ZNF250: variants seen among roughly 807,000 people sequenced by gnomAD.
ZNF250 encodes zinc finger protein (clone 647).
ZNF250 carries 13 observed loss-of-function variants against 37.1 expected under a neutral mutation model. The ratio of observed to expected loss-of-function variants is 0.35; its 90% CI spans 0.23 to 0.56. The LOEUF (loss-of-function observed/expected upper bound fraction) is 0.56, where lower values mean the gene tolerates loss of function less well. ZNF250 is among the 20% of genes least tolerant of loss of function. The probability of loss-of-function intolerance (pLI) is 0.87; values close to 1 mark genes in which losing one functional copy is unlikely to be tolerated. For missense variants in ZNF250, 474 were observed against 697.9 expected (o/e 0.68, Z 3.61); for synonymous variants, 251 against 265.6 (o/e 0.94, Z 0.54).
At position 144,881,318 on chromosome 8, in the gene ZNF250, G is replaced by A. The variant is rs1831449608; in HGVS notation, c.*197C>T. 1 of 684,976 alleles carries A rather than the reference G, an allele frequency of 1.5e-6. No homozygotes were observed. The allele number at this position is 684,976 out of a possible 1,614,324, so 42.4% of individuals were successfully genotyped here. On this transcript the variant is annotated 3_prime_UTR_variant, in exon 6 of 6. Transcript: ENST00000417550. Reference sequence around the variant, plus strand: ...CTCCAACATAACTTCAAGATGTTGAGGAAAATAAAACAGGTAGTCTCTGAA... The same window carrying A: ...CTCCAACATAACTTCAAGATGTTGAAGAAAATAAAACAGGTAGTCTCTGAA...
At position 144,886,880 on chromosome 8, in the gene ZNF250, A is replaced by G. The variant is rs750348611; in HGVS notation, c.306T>C (p.Thr102=). 3.7e-6 allele frequency: 6 copies of G among 1,613,568 alleles called. No homozygotes were observed. The East Asian group carries it at 1.3e-4, about 36-fold the overall frequency. The change falls in exon 5 of 6, where the codon ACT becomes ACC. Residue 102 remains threonine, a synonymous_variant. Transcript: ENST00000417550. ...AACTGTCTTGTTGTGTACAGGCTGT[A>G]GTGTGGTCATATTTGAGGTTGTCTG... The part of the protein sequence containing the change: ...DYSDNLKYDH[T]TACTQQDSLS...
chr8:144,896,881 G>A (rs547100141), intron 1 of ZNF250, among the ~76,000 whole-genome samples: 1 of 152,300 alleles, frequency 6.6e-6, no homozygotes, highest in Non-Finnish European at 1.5e-5. Flanking sequence ...CACTGGCTGA[G>A]CAATGATCCC....
At chr8:144,886,409 C>G (rs1343164058) in intron 5 of ZNF250, among the ~76,000 whole-genome samples, 1 of 152,210 alleles carries the variant, frequency 6.6e-6, no homozygotes, top group Non-Finnish European at 1.5e-5. Flanking sequence ...CATCATATGA[C>G]TGCTTGTGAG....
chr8:144,901,088 T>C lies in ZNF250; in HGVS notation c.-55+311A>G, dbSNP rs1250341288. ...ATCCAAGGTGGGAGGGACGCCGGTC[T>C]GACGGGGCCCAAGGGGGTAGGGGCG... On this transcript the variant is annotated intron_variant, in intron 1 of 5. Coordinates refer to ENST00000417550, the MANE Select transcript of ZNF250 (RefSeq NM_001109689.4). This position sits in a 1 kb window ranked among gnomAD's most constrained non-coding sequence, Gnocchi z 5.4. Among the ~76,000 whole-genome samples, 1 of 147,408 alleles carries C rather than the reference T, an allele frequency of 6.8e-6. No individual in the cohort carries two copies. Among genetic ancestry groups the C allele is most frequent in the Non-Finnish European group, 1.5e-5 (1 of 66,972 alleles).
In ZNF250 at chr8:144,881,759, T is replaced by C; in HGVS notation, c.1424A>G (p.Gln475Arg). Residue 475 changes from glutamine to arginine, a missense_variant, in exon 6 of 6, where the codon CAG (glutamine) becomes CGG (arginine). Physicochemically the swap from Gln to Arg is conservative, Grantham distance 43 (BLOSUM62 1). Coordinates refer to ENST00000417550, the MANE Select transcript of ZNF250 (RefSeq NM_001109689.4). Reference sequence around the variant, plus strand: ...GAAGGCTTTGCCACATTCTGTGCACTGGAAGGGCTTTTCACCTGTGTGGAT... The same window carrying C: ...GAAGGCTTTGCCACATTCTGTGCACCGGAAGGGCTTTTCACCTGTGTGGAT... ...ERIHTGEKPF[Q>R]CTECGKAFSL... 6.2e-7 allele frequency: 1 copy of C among 1,614,096 alleles called. No individual in the cohort carries two copies. The highest frequency in any genetic ancestry group is 8.5e-7 in the Non-Finnish European group (1 of 1,179,980).
In ZNF250 at chr8:144,881,043, AT is replaced by A. The variant is rs2129667063; in HGVS notation, c.*471del. 1 of 162,578 alleles carries A rather than the reference AT, an allele frequency of 6.2e-6. No individual in the cohort carries two copies. Among genetic ancestry groups the A allele is most frequent in the South Asian group, 1.6e-4 (1 of 6,202 alleles). 10.1% of individuals were successfully genotyped at this position (162,578 alleles called of 1,614,324 possible). On this transcript the variant is annotated 3_prime_UTR_variant, in exon 6 of 6. Coordinates refer to ENST00000417550, the MANE Select transcript of ZNF250 (RefSeq NM_001109689.4). ...AATATCTTTTTATATCACTTTATCC[AT>A]ACAATACTTTAGTCTTTTAAGAGAA...
In ZNF250 at chr8:144,878,304, C is replaced by G. The variant is rs1253373248; in HGVS notation, c.*3211G>C. 1 of 152,228 alleles carries G rather than the reference C, an allele frequency of 6.6e-6. No homozygotes were observed. The highest frequency in any genetic ancestry group is 1.5e-5 in the Non-Finnish European group (1 of 68,048). The allele number at this position is 152,228 out of a possible 1,614,324, so 9.4% of individuals were successfully genotyped here. A position where few individuals can be genotyped will look rare whatever the true frequency, so the allele number is the denominator to read the frequency against. Reference sequence around the variant, plus strand: ...TTTCTAAAGCATCACCCCTAGTGATCTCAACCTTTCTCTGAAGAATCACCT... The same window carrying G: ...TTTCTAAAGCATCACCCCTAGTGATGTCAACCTTTCTCTGAAGAATCACCT... On this transcript the variant is annotated 3_prime_UTR_variant, in exon 6 of 6. Transcript: ENST00000417550.
rs999218833 is a variant in ZNF250 at position 144,880,364 on chromosome 8, C to T, written c.*1151G>A. 2.2e-6 allele frequency: 1 copy of T among 453,404 alleles called. No homozygotes were observed. Among genetic ancestry groups the T allele is most frequent in the African/African-American group, 2.0e-5 (1 of 50,014 alleles). 28.1% of individuals were successfully genotyped at this position (453,404 alleles called of 1,614,324 possible). A position where few individuals can be genotyped will look rare whatever the true frequency, so the allele number is the denominator to read the frequency against. ...ACCATAAGATGTAAAGAGGTACCCA[C>T]TTGGTGTAACAGCTATGAGGTCTGC... On this transcript the variant is annotated 3_prime_UTR_variant, in exon 6 of 6. Transcript: ENST00000417550.
In ZNF250 at chr8:144,882,036, C is replaced by G. The variant is rs765142365; in HGVS notation, c.1147G>C (p.Val383Leu). The change falls in exon 6 of 6, where the codon GTG (valine) becomes CTG (leucine). Residue 383 changes from valine (V) to leucine (L), a missense_variant. By Grantham distance (32) the Val-to-Leu change is conservative (BLOSUM62 1). Coordinates refer to ENST00000417550, the MANE Select transcript of ZNF250 (RefSeq NM_001109689.4). The surrounding 1 kb of genome is among the most constrained non-coding windows in gnomAD (Gnocchi z 5.5). ...TCATAGGGCTTCTCCCCGGTGTGCA[C>G]GTTGTGGTGCTGAATGAGGACTGAG... Reference protein sequence around the residue: ...DRSVLIQHHNVHTGEKPYECS... With the variant: ...DRSVLIQHHNLHTGEKPYECS... 4 of 1,610,930 alleles carry G rather than the reference C, an allele frequency of 2.5e-6. No individual in the cohort carries two copies.
Position 144,880,205 on chromosome 8 carries a change from GA to G in ZNF250, c.*1309del, listed in dbSNP as rs1179140533. On this transcript the variant is annotated 3_prime_UTR_variant, in exon 6 of 6. Transcript: ENST00000417550. ...ACTCTTGAACCAGGAGTAAAAAAAT[GA>G]AAAAAAAAACCCCTTCAAATATAGG... 1,357 of 216,216 alleles carry G rather than the reference GA, an allele frequency of 6.3e-3. 15 individuals are homozygous for G. Among genetic ancestry groups the G allele is most frequent in the African/African-American group, 0.028 (1,166 of 42,024 alleles). 13.4% of individuals were successfully genotyped at this position (216,216 alleles called of 1,614,324 possible).
Position 144,891,267 on chromosome 8 carries a change from T to G in ZNF250, c.-54-864A>C, listed in dbSNP as rs559082598. Among the ~76,000 whole-genome samples the G allele has an allele frequency of 6.6e-6, 1 of 152,236 alleles. No individual in the cohort carries two copies. The highest frequency in any genetic ancestry group is 2.4e-5 in the African/African-American group (1 of 41,542). ...CAACCAGGTGACCAAAGGTGGTAGATCACTCCAGAAAAACGTGGTATAACA... is the reference window on the plus strand; with the variant it reads ...CAACCAGGTGACCAAAGGTGGTAGAGCACTCCAGAAAAACGTGGTATAACA... On this transcript the variant is annotated intron_variant, in intron 1 of 5. Transcript: ENST00000417550. This position sits in a 1 kb window ranked among gnomAD's most constrained non-coding sequence, Gnocchi z 4.0.
At position 144,878,744 on chromosome 8, in the gene ZNF250, T is replaced by A. The variant is rs1375033262; in HGVS notation, c.*2771A>T. 6.6e-6 allele frequency: 1 copy of A among 152,172 alleles called. No individual in the cohort carries two copies. Among genetic ancestry groups the A allele is most frequent in the Non-Finnish European group, 1.5e-5 (1 of 68,016 alleles). The allele number at this position is 152,172 out of a possible 1,614,324, so 9.4% of individuals were successfully genotyped here. On this transcript the variant is annotated 3_prime_UTR_variant, in exon 6 of 6. Transcript: ENST00000417550. Reference sequence around the variant, plus strand: ...AGAGTTTCACATTAGTGATTTCAACTTCTCTGAAGAAACACCTCTGTGATC... The same window carrying A: ...AGAGTTTCACATTAGTGATTTCAACATCTCTGAAGAAACACCTCTGTGATC...
Position 144,882,593 on chromosome 8 carries a change from A to T in ZNF250, c.590T>A (p.Val197Asp). 6.2e-7 allele frequency: 1 copy of T among 1,614,082 alleles called. No individual in the cohort carries two copies. The highest frequency in any genetic ancestry group is 8.5e-7 in the Non-Finnish European group (1 of 1,179,988). ...VPSGERPYMC[V>D]ECGKCFGRSS... ...CCGGCCAAAGCACTTCCCACACTCA[A>T]CACACATGTAGGGCCTCTCTCCACT... Residue 197 changes from valine (V) to aspartate (D), a missense_variant, in exon 6 of 6, where the codon GTT (valine) becomes GAT (aspartate). Val to Asp is a radical substitution (Grantham distance 152, BLOSUM62 -3). This residue lies in a region of ZNF250 where 282 missense variants were observed against 470.4 expected (regional missense o/e 0.60). Transcript: ENST00000417550. The surrounding 1 kb of genome is among the most constrained non-coding windows in gnomAD (Gnocchi z 5.5).
chr8:144,893,533 G>A (rs555361299), intron 1 of ZNF250, among the ~76,000 whole-genome samples: 1 of 151,768 alleles, frequency 6.6e-6, no homozygotes, highest in East Asian at 2.0e-4. Flanking sequence ...GTTTCACCAT[G>A]TTGCCCAGGC....
intron 5 of ZNF250, among the ~76,000 whole-genome samples, chr8:144,885,217 T>C (rs1018060726): frequency 6.6e-6 from 1 of 152,160 alleles, no homozygotes; most frequent in African/African-American, 2.4e-5. Context: ...CCTCCCAGGT[T>C]CAAGCGATTC....
chr8:144,877,129 C>G lies in ZNF250; in HGVS notation c.*4386G>C, dbSNP rs1831176988. Reference sequence around the variant, plus strand: ...ATATACGTATTTTTTGTGACAAGGTCTCTCTCTGTTGTCCAGGCTAGATAG... The same window carrying G: ...ATATACGTATTTTTTGTGACAAGGTGTCTCTCTGTTGTCCAGGCTAGATAG... On this transcript the variant is annotated 3_prime_UTR_variant, in exon 6 of 6. Coordinates refer to ENST00000417550, the MANE Select transcript of ZNF250 (RefSeq NM_001109689.4). The G allele has an allele frequency of 6.6e-6, 1 of 152,234 alleles. No individual in the cohort carries two copies. The highest frequency in any genetic ancestry group is 2.1e-4 in the South Asian group (1 of 4,834). 9.4% of individuals were successfully genotyped at this position (152,234 alleles called of 1,614,324 possible). A position where few individuals can be genotyped will look rare whatever the true frequency, so the allele number is the denominator to read the frequency against.
chr8:144,887,176 G>A (rs114757657), intron 4 of ZNF250, among the ~76,000 whole-genome samples: 3,618 of 141,972 alleles, frequency 0.025, 140 homozygotes, highest in African/African-American at 0.092. Flanking sequence ...CTTGAACCCC[G>A]GAGACAAGAA....
chr8:144,885,589 A>C (rs893243187), intron 5 of ZNF250, among the ~76,000 whole-genome samples: 6 of 152,108 alleles, frequency 3.9e-5, no homozygotes, highest in Non-Finnish European at 8.8e-5. Flanking sequence ...CTCAGCCTCC[A>C]TGTGGCTGGG....
chr8:144,899,238 G>C (rs1183014237), intron 1 of ZNF250, among the ~76,000 whole-genome samples: 1 of 152,076 alleles, frequency 6.6e-6, no homozygotes, highest in South Asian at 2.1e-4. Context: ...GGTGGGGTTG[G>C]GGGGAGGTAT....
Sources: allele counts gnomAD v4.1 joint callset (sites outside exome capture counted in the v4.1 genomes callset), GRCh38; gene constraint gnomAD v4.1.1; regional missense constraint gnomAD v4.1.1; non-coding constraint Gnocchi (gnomAD v3.1); transcripts MANE v1.5; gene names NCBI Gene and HGNC (gene_info 2026-07-23, HGNC 2026-07-21).